The following RAD51B variants were observed in gnomAD, a reference collection of about 807,000 sequenced individuals.
The protein encoded by RAD51B is DNA repair protein RAD51 homolog 2.
Under a neutral mutation model 42.2 loss-of-function variants are expected in RAD51B, and 38 were observed. The observed-to-expected ratio is 0.90, with a 90% CI of 0.70 to 1.18. The LOEUF (loss-of-function observed/expected upper bound fraction) is 1.18. RAD51B is among the 50% of genes most tolerant of loss of function. The probability of loss-of-function intolerance (pLI) is 0.00; values close to 1 mark genes in which losing one functional copy is unlikely to be tolerated. For synonymous variants in RAD51B, 154 were observed against 145.2 expected (o/e 1.06, Z -0.43); for missense variants, 373 against 400.7 (o/e 0.93, Z 0.59).
chr14:68,131,857 A>G (rs1181143723), intron 7 of RAD51B, among the ~76,000 whole-genome samples: 1 of 152,222 alleles, frequency 6.6e-6, no homozygotes, highest in African/African-American at 2.4e-5. Context: ...AGTCACCTGA[A>G]GTACAGTTCA....
chr14:68,599,512 C>G (rs1234445645), downstream of RAD51B, among the ~76,000 whole-genome samples: 5 of 152,186 alleles, frequency 3.3e-5, no homozygotes, highest in Non-Finnish European at 5.9e-5. Context: ...GACCTAAGAA[C>G]TTAATCCTAC....
chr14:68,394,563 C>T (rs1321445166), intron 8 of RAD51B, among the ~76,000 whole-genome samples: 3 of 152,216 alleles, frequency 2.0e-5, no homozygotes, highest in Non-Finnish European at 2.9e-5. Flanking sequence ...TATAAGGTTT[C>T]CTTGGCAGGA....
chr14:68,518,885 A>G (rs1161633661), intron 10 of RAD51B, among the ~76,000 whole-genome samples: 1 of 152,214 alleles, frequency 6.6e-6, no homozygotes, highest in Non-Finnish European at 1.5e-5. Context: ...CGAAGGATTT[A>G]GGGAAAAAAA....
exon 11 of RAD51B, chr14:68,611,302 A>G: frequency 1.4e-6 from 1 of 697,934 alleles, no homozygotes; most frequent in Non-Finnish European, 2.6e-6. Context: ...TCCGACAGCA[A>G]CTATAATTCT....
chr14:68,518,846 C>T (rs943288018), intron 10 of RAD51B, among the ~76,000 whole-genome samples: 3 of 152,128 alleles, frequency 2.0e-5, no homozygotes, highest in African/African-American at 4.8e-5. Flanking sequence ...TCTCCGAGAG[C>T]CAGTAACCAA....
intron 4 of RAD51B, among the ~76,000 whole-genome samples, chr14:67,849,658 G>T (rs555688746): frequency 5.3e-5 from 8 of 152,140 alleles, no homozygotes; most frequent in African/African-American, 1.7e-4. Flanking sequence ...TTTCTGCTTG[G>T]TCTAGTCTGT....
rs775217374 is a variant in RAD51B, at chr14:68,118,461, A to G, written c.757-173423A>G. Among the ~76,000 whole-genome samples, 3 of 152,230 alleles carry G rather than the reference A, an allele frequency of 2.0e-5. No individual in the cohort carries two copies. The East Asian group carries it at 5.8e-4, about 29-fold the overall frequency. The stretch of plus-strand genomic sequence containing the variant: ...GCCCCTCGCCCACCAAAAGGAAGAA[A>G]GAGCCATAGACTCTGAATGTAATTC... On this transcript the variant is annotated intron_variant, in intron 7 of 10. Coordinates refer to ENST00000471583, the MANE Select transcript of RAD51B (RefSeq NM_133510.4).
intron 7 of RAD51B, among the ~76,000 whole-genome samples, chr14:67,896,135 T>C (rs1338881733): frequency 6.6e-6 from 1 of 152,214 alleles, no homozygotes; most frequent in Non-Finnish European, 1.5e-5. Flanking sequence ...TATTGAATAG[T>C]GTCATATATT....
At chr14:68,554,368 T>C (rs1594968284) in intron 10 of RAD51B, among the ~76,000 whole-genome samples, 1 of 152,250 alleles carries the variant, frequency 6.6e-6, no homozygotes, top group African/African-American at 2.4e-5. Context: ...CTCAGTGTCC[T>C]ACCTACCAGG....
intron 10 of RAD51B, among the ~76,000 whole-genome samples, chr14:68,605,524 A>G (rs976098070): frequency 1.3e-5 from 2 of 152,220 alleles, no homozygotes; most frequent in Non-Finnish European, 2.9e-5. Flanking sequence ...ACAAGAAGGG[A>G]AACTTTGGAG....
intron 4 of RAD51B, among the ~76,000 whole-genome samples, chr14:67,862,331 G>A (rs949530868): frequency 1.3e-5 from 2 of 151,474 alleles, no homozygotes; most frequent in Non-Finnish European, 2.9e-5. Context: ...AATGAGTATC[G>A]TGGTAGAAAT....
At chr14:68,226,114 A>G (rs1043461057) in intron 7 of RAD51B, among the ~76,000 whole-genome samples, 6 of 152,164 alleles carry the variant, frequency 3.9e-5, no homozygotes, top group Admixed American at 1.3e-4. Context: ...GCAGTGTGAT[A>G]TGGAGAAAAG....
At chr14:67,925,406 G>A (rs994221672) in intron 7 of RAD51B, among the ~76,000 whole-genome samples, 11 of 152,048 alleles carry the variant, frequency 7.2e-5, no homozygotes, top group Admixed American at 2.0e-4. Flanking sequence ...CCGAGTAGCC[G>A]GGACTACAGG....
At chr14:68,613,657 T>C (rs1040760919), downstream of RAD51B, among the ~76,000 whole-genome samples, 13 of 151,918 alleles carry the variant, frequency 8.6e-5, no homozygotes, top group Non-Finnish European at 1.8e-4. Context: ...GGTTTCACCG[T>C]GTTAGCCAGG....
intron 7 of RAD51B, among the ~76,000 whole-genome samples, chr14:67,935,865 A>G (rs1165387834): frequency 6.6e-6 from 1 of 152,142 alleles, no homozygotes; most frequent in East Asian, 1.9e-4. Flanking sequence ...TAGAGTAGTA[A>G]AAGGTGGGCA....
intron 7 of RAD51B, among the ~76,000 whole-genome samples, chr14:67,920,007 T>C (rs968743244): frequency 3.9e-5 from 6 of 152,312 alleles, no homozygotes; most frequent in South Asian, 2.1e-4. Flanking sequence ...GGGTTATCCA[T>C]TTATTGTAGT....
intron 9 of RAD51B, among the ~76,000 whole-genome samples, chr14:68,430,532 G>T (rs1477340091): frequency 6.6e-6 from 1 of 152,056 alleles, no homozygotes; most frequent in East Asian, 1.9e-4. Context: ...AATTCACTCA[G>T]GATTTGACTC....
At chr14:68,325,075 T>C (rs746013024) in intron 8 of RAD51B, among the ~76,000 whole-genome samples, 6 of 152,208 alleles carry the variant, frequency 3.9e-5, no homozygotes, top group Non-Finnish European at 7.3e-5. Context: ...GCTCAGGCCT[T>C]TGAGTGGGAC....
chr14:68,517,620 C>T (rs1252615661), intron 10 of RAD51B, among the ~76,000 whole-genome samples: 1 of 152,194 alleles, frequency 6.6e-6, no homozygotes, highest in African/African-American at 2.4e-5. Context: ...GGCTGTCATT[C>T]TGCTACTTGT....
Sources: allele counts gnomAD v4.1 joint callset (sites outside exome capture counted in the v4.1 genomes callset), GRCh38; gene constraint gnomAD v4.1.1; transcripts MANE v1.5; gene names NCBI Gene and HGNC (gene_info 2026-07-23, HGNC 2026-07-21).